The following HNF4G variants were observed in gnomAD, a reference collection of about 807,000 sequenced individuals.
HNF4G encodes the protein hepatocyte nuclear factor 4 gamma, also known as hepatocyte nuclear factor 4-gamma.
A neutral mutation model predicts 50.9 loss-of-function variants in HNF4G; 21 were observed. The ratio of observed to expected loss-of-function variants is 0.41; its 90% CI spans 0.29 to 0.59. The LOEUF (loss-of-function observed/expected upper bound fraction) is 0.59, where lower values mean the gene tolerates loss of function less well. Among genes scored for constraint, HNF4G ranks in the 20% least tolerant of loss-of-function variants. The pLI is 0.26. For synonymous variants in HNF4G, 198 were observed against 185.6 expected (o/e 1.07, Z -0.54); for missense variants, 527 against 559.4 (o/e 0.94, Z 0.58).
At chr8:75,495,779 C>T (rs1160558036) in intron 2 of HNF4G, among the ~76,000 whole-genome samples, 1 of 152,042 alleles carries the variant, frequency 6.6e-6, no homozygotes, top group Non-Finnish European at 1.5e-5. Flanking sequence ...CTCAAGTGAT[C>T]TGCCCGCCTT....
chr8:75,551,002 T>C (rs1464772056), intron 3 of HNF4G, among the ~76,000 whole-genome samples: 2 of 152,182 alleles, frequency 1.3e-5, no homozygotes, highest in Non-Finnish European at 2.9e-5. Flanking sequence ...ATGACTCATA[T>C]TTTCTGATAG....
intron 1 of HNF4G, among the ~76,000 whole-genome samples, chr8:75,482,195 T>C (rs180794201): frequency 6.6e-6 from 1 of 152,156 alleles, no homozygotes; most frequent in African/African-American, 2.4e-5. Flanking sequence ...AAAATGAGAT[T>C]AAGGAATATT....
chr8:75,556,165 A>G (rs1350856560), intron 6 of HNF4G, 96 bp downstream of exon 6: 2 of 520,618 alleles, frequency 3.8e-6, no homozygotes, highest in Non-Finnish European at 3.3e-6. Context: ...GTATTTACAG[A>G]CACTGGCAAA....
intron 1 of HNF4G, among the ~76,000 whole-genome samples, chr8:75,408,566 A>G (rs1810419394): frequency 6.6e-6 from 1 of 152,174 alleles, no homozygotes; most frequent in African/African-American, 2.4e-5. Context: ...TATAGTATTG[A>G]GATCTTCCTA....
intron 1 of HNF4G, among the ~76,000 whole-genome samples, chr8:75,476,239 C>T (rs1023477149): frequency 6.6e-6 from 1 of 152,154 alleles, no homozygotes; most frequent in African/African-American, 2.4e-5. Flanking sequence ...ATTCCAGTTC[C>T]ATACATACAG....
At position 75,408,846 on chromosome 8, in the gene HNF4G, G is replaced by A. The variant is rs537676770; in HGVS notation, c.-144+684G>A. On this transcript the variant is annotated intron_variant, in intron 1 of 10. Transcript: ENST00000354370. ...GAATCCAGAAGCTCAAAAGTGAATG[G>A]GATGTCCCGGAAACTAAACACTCAT... Among the ~76,000 whole-genome samples the A allele has an allele frequency of 9.2e-5, 14 of 152,338 alleles. 1 individual carries two copies. The South Asian group carries it at 2.9e-3, about 32-fold the overall frequency.
At chr8:75,466,596 C>CCTTCCTTT (rs1811982836) in intron 1 of HNF4G, among the ~76,000 whole-genome samples, 1 of 119,072 alleles carries the variant, frequency 8.4e-6, no homozygotes, top group Admixed American at 8.4e-5. Flanking sequence ...TTCCTTCCTT[C>CCTTCCTTT]CTTCCTTCCT....
chr8:75,431,665 C>T (rs1018360035), intron 1 of HNF4G, among the ~76,000 whole-genome samples: 3 of 152,100 alleles, frequency 2.0e-5, no homozygotes, highest in Non-Finnish European at 2.9e-5. Flanking sequence ...CAGTGGCTCA[C>T]GCCTGTAATC....
At chr8:75,442,814 A>C (rs1811318643) in intron 1 of HNF4G, among the ~76,000 whole-genome samples, 1 of 152,118 alleles carries the variant, frequency 6.6e-6, no homozygotes, top group Non-Finnish European at 1.5e-5. Flanking sequence ...GTGTTCAGGG[A>C]TAAAAATAAA....
intron 1 of HNF4G, among the ~76,000 whole-genome samples, chr8:75,412,498 G>A (rs1022302715): frequency 3.2e-4 from 49 of 152,146 alleles, no homozygotes; most frequent in African/African-American, 1.2e-3. Flanking sequence ...TATTTATAAA[G>A]GATAACAAAA....
chr8:75,453,580 C>A (rs1193288083), intron 1 of HNF4G, among the ~76,000 whole-genome samples: 1 of 148,842 alleles, frequency 6.7e-6, no homozygotes, highest in Non-Finnish European at 1.5e-5. Context: ...TTATTTTCCT[C>A]TTCACAATAA....
intron 5 of HNF4G, among the ~76,000 whole-genome samples, chr8:75,555,174 T>C (rs1807076727): frequency 6.6e-6 from 1 of 152,140 alleles, no homozygotes; most frequent in Admixed American, 6.5e-5. Context: ...TGAAAAGAAG[T>C]GGATCACTTT....
chr8:75,506,847 T>TCAACAACAACAACAACAA (rs35739290), intron 2 of HNF4G, among the ~76,000 whole-genome samples: 3 of 151,150 alleles, frequency 2.0e-5, no homozygotes, highest in African/African-American at 7.3e-5. Context: ...TGGCAGATCA[T>TCAACAACAACAACAACAA]CAACAACAAC....
At chr8:75,434,488 A>C (rs1434274642) in intron 1 of HNF4G, among the ~76,000 whole-genome samples, 2 of 152,186 alleles carry the variant, frequency 1.3e-5, no homozygotes, top group African/African-American at 4.8e-5. Context: ...TGAGATAAAC[A>C]ACTAAAGAAG....
In HNF4G at chr8:75,429,208, G is replaced by A. The variant is rs17394540; in HGVS notation, c.-144+21046G>A. On this transcript the variant is annotated intron_variant, in intron 1 of 10. Coordinates refer to the HNF4G transcript ENST00000354370. ...AAAGGTTAAATGGACACTCCAACAT[G>A]GTCAGATTTGTACACCTAACATGTG... 9.7e-3 allele frequency among the ~76,000 whole-genome samples: 1,481 copies of A among 152,204 alleles called. 12 individuals carry two copies. The highest frequency in any genetic ancestry group is 0.019 in the South Asian group (91 of 4,824).
At chr8:75,559,062 T>C in intron 8 of HNF4G, 25 bp downstream of exon 8, 2 of 1,323,270 alleles carry the variant, frequency 1.5e-6, no homozygotes, top group Middle Eastern at 1.8e-4. Flanking sequence ...TAATTTCTAC[T>C]TTATTGATTA....
chr8:75,484,816 C>T (rs1812461045), intron 1 of HNF4G, among the ~76,000 whole-genome samples: 1 of 152,162 alleles, frequency 6.6e-6, no homozygotes, highest in Non-Finnish European at 1.5e-5. Context: ...AAGGCACTCT[C>T]TGAGCACTTT....
At chr8:75,531,609 A>T (rs1168548921) in intron 2 of HNF4G, among the ~76,000 whole-genome samples, 6 of 152,080 alleles carry the variant, frequency 3.9e-5, no homozygotes, top group Non-Finnish European at 7.4e-5. Flanking sequence ...TCAGCCCTTC[A>T]TATCTATGGG....
At chr8:75,472,204 AAAAGAT>A (rs1287513733) in intron 1 of HNF4G, among the ~76,000 whole-genome samples, 5 of 152,212 alleles carry the variant, frequency 3.3e-5, no homozygotes. Context: ...GTGTGACAGA[AAAAGAT>A]AAAGAACGTG....
Sources: allele counts gnomAD v4.1 joint callset (sites outside exome capture counted in the v4.1 genomes callset), GRCh38; gene constraint gnomAD v4.1.1; transcripts MANE v1.5; gene names NCBI Gene and HGNC (gene_info 2026-07-23, HGNC 2026-07-21).